The following HECW2 variants were observed in gnomAD, a reference collection of about 807,000 sequenced individuals.
HECW2 encodes HECT, C2 and WW domain containing E3 ubiquitin protein ligase 2.
HECW2 carries 61 observed loss-of-function variants against 175.2 expected under a neutral mutation model. That is an observed-to-expected ratio of 0.35 (90% CI 0.28 to 0.43). The LOEUF (loss-of-function observed/expected upper bound fraction) is 0.43, where lower values mean the gene tolerates loss of function less well. Among genes scored for constraint, HECW2 ranks in the 20% least tolerant of loss-of-function variants. The pLI is 1.00. For synonymous variants in HECW2, 671 were observed against 731.0 expected (o/e 0.92, Z 1.32); for missense variants, 1,524 against 2,000.5 (o/e 0.76, Z 4.54).
At chr2:196,348,131 T>C (rs962553868) in intron 2 of HECW2, among the ~76,000 whole-genome samples, 2 of 152,260 alleles carry the variant, frequency 1.3e-5, no homozygotes, top group Non-Finnish European at 2.9e-5. Context: ...TTAAATTTTT[T>C]GTTCACATCT....
At chr2:196,288,255 T>C (rs1361239329) in intron 14 of HECW2, 4 of 152,340 alleles carry the variant, frequency 2.6e-5, no homozygotes, top group African/African-American at 9.6e-5. Flanking sequence ...CCTAGTTTCA[T>C]GATCATGGCT....
chr2:196,588,211 C>T (rs1276099880), intron 1 of HECW2, among the ~76,000 whole-genome samples: 2 of 152,178 alleles, frequency 1.3e-5, no homozygotes, highest in Non-Finnish European at 2.9e-5. Context: ...GAAAACTCTA[C>T]AAGGTCAGAG....
At position 196,374,530 on chromosome 2, in the gene HECW2, A is replaced by G. The variant is rs539583645; in HGVS notation, c.293-30766T>C. Among the ~76,000 whole-genome samples, 3 of 152,342 alleles carry G rather than the reference A, an allele frequency of 2.0e-5. No homozygotes were observed. In the South Asian group the frequency reaches 6.2e-4, roughly 32 times the overall value. ...CAAATACAGAAACAGTAATACAGGA[A>G]AAAAATGAAGGCTGGCATCTCTCTC... On this transcript the variant is annotated intron_variant, in intron 2 of 28. Transcript: ENST00000644978.
intron 4 of HECW2, among the ~76,000 whole-genome samples, chr2:196,331,475 G>C (rs1195597169): frequency 1.3e-5 from 2 of 152,132 alleles, no homozygotes; most frequent in Non-Finnish European, 2.9e-5. Context: ...TCTGCAAATG[G>C]GCCACACGCC....
At chr2:196,229,028 T>C (rs1362859887) in intron 21 of HECW2, among the ~76,000 whole-genome samples, 1 of 152,084 alleles carries the variant, frequency 6.6e-6, no homozygotes, top group Non-Finnish European at 1.5e-5. Flanking sequence ...TGGCCAAAAA[T>C]GACGAGAGTA....
intron 19 of HECW2, among the ~76,000 whole-genome samples, chr2:196,245,794 G>C (rs1688623047): frequency 6.6e-6 from 1 of 152,164 alleles, no homozygotes; most frequent in Non-Finnish European, 1.5e-5. Flanking sequence ...GAATAAACTT[G>C]ACTTTAAAGA....
intron 1 of HECW2, among the ~76,000 whole-genome samples, chr2:196,568,336 C>T (rs1176064917): frequency 6.6e-6 from 1 of 152,172 alleles, no homozygotes; most frequent in Non-Finnish European, 1.5e-5. Context: ...TCAAACAGTA[C>T]TTAGTTTCGC....
In HECW2 at chr2:196,195,198, A is replaced by G. The variant is rs1468720218; in HGVS notation, c.*6079T>C. ...TGTTAATTCCTGGTTAATCCTTCCA[A>G]GGTAATTCCTGAACATCATCCATTC... On this transcript the variant is annotated 3_prime_UTR_variant, in exon 29 of 29. Transcript: ENST00000644978. The G allele has an allele frequency of 6.6e-6, 1 of 152,236 alleles. No individual in the cohort carries two copies. Among genetic ancestry groups the G allele is most frequent in the Admixed American group, 6.5e-5 (1 of 15,286 alleles). 9.4% of individuals were successfully genotyped at this position (152,236 alleles called of 1,614,324 possible).
At chr2:196,237,900 G>C (rs1688310943) in intron 21 of HECW2, among the ~76,000 whole-genome samples, 1 of 152,134 alleles carries the variant, frequency 6.6e-6, no homozygotes, top group Non-Finnish European at 1.5e-5. Context: ...TATATTTCCT[G>C]CTTAGTGTTA....
intron 1 of HECW2, among the ~76,000 whole-genome samples, chr2:196,509,908 A>G (rs1284125941): frequency 2.0e-5 from 3 of 152,234 alleles, no homozygotes; most frequent in African/African-American, 4.8e-5. Context: ...CTAAAAGACA[A>G]TACAATCGCT....
At chr2:196,509,458 T>C (rs537742094) in intron 1 of HECW2, among the ~76,000 whole-genome samples, 2 of 152,118 alleles carry the variant, frequency 1.3e-5, no homozygotes, top group African/African-American at 4.8e-5. Context: ...AGTCAAGGAG[T>C]AGGGCTGGGA....
intron 14 of HECW2, among the ~76,000 whole-genome samples, chr2:196,279,695 C>G (rs950732740): frequency 6.6e-6 from 1 of 152,238 alleles, no homozygotes; most frequent in African/African-American, 2.4e-5. Context: ...CTTTAACAGT[C>G]TGCCTACATG....
chr2:196,421,252 A>C (rs1695400216), intron 2 of HECW2, among the ~76,000 whole-genome samples: 1 of 152,130 alleles, frequency 6.6e-6, no homozygotes, highest in South Asian at 2.1e-4. Context: ...CAGATGTAAA[A>C]AACTCTACAT....
At chr2:196,244,451 C>G (rs990838062) in intron 19 of HECW2, among the ~76,000 whole-genome samples, 10 of 152,188 alleles carry the variant, frequency 6.6e-5, no homozygotes, top group African/African-American at 1.9e-4. Flanking sequence ...CTTGCAATGA[C>G]TGGCTTGCAT....
At chr2:196,251,564 C>G (rs2105908664) in intron 19 of HECW2, among the ~76,000 whole-genome samples, 1 of 152,320 alleles carries the variant, frequency 6.6e-6, no homozygotes, top group East Asian at 1.9e-4. Context: ...CAATTTGAGT[C>G]TAACCATTTC....
At chr2:196,415,072 A>C (rs1695217742) in intron 2 of HECW2, among the ~76,000 whole-genome samples, 1 of 152,186 alleles carries the variant, frequency 6.6e-6, no homozygotes, top group Non-Finnish European at 1.5e-5. Context: ...ACATGGGAAG[A>C]AGGTGGTCCA....
At chr2:196,369,185 A>G (rs1349556644) in intron 2 of HECW2, among the ~76,000 whole-genome samples, 1 of 152,170 alleles carries the variant, frequency 6.6e-6, no homozygotes, top group East Asian at 1.9e-4. Flanking sequence ...CTGCAGCCAC[A>G]TCTTCATTAG....
chr2:196,225,622 A>T lies in HECW2; in HGVS notation c.4016+150T>A, dbSNP rs1687823373. The T allele has an allele frequency of 7.4e-6, 4 of 542,228 alleles. No homozygotes were observed. In the East Asian group the frequency reaches 1.3e-4, roughly 17 times the overall value. The allele number at this position is 542,228 out of a possible 1,614,324, so 33.6% of individuals were successfully genotyped here. A position where few individuals can be genotyped will look rare whatever the true frequency, so the allele number is the denominator to read the frequency against. On this transcript the variant is annotated intron_variant, in intron 23 of 28. Coordinates refer to ENST00000644978, the MANE Select transcript of HECW2 (RefSeq NM_001348768.2). Reference sequence around the variant, plus strand: ...CAGTAATCATATTTGAAATTGCATTAGTTTCAGAAATCTAAACCACTATTA... The same window carrying T: ...CAGTAATCATATTTGAAATTGCATTTGTTTCAGAAATCTAAACCACTATTA...
At chr2:196,335,056 G>A (rs1692502233) in intron 3 of HECW2, among the ~76,000 whole-genome samples, 1 of 152,196 alleles carries the variant, frequency 6.6e-6, no homozygotes, top group African/African-American at 2.4e-5. Flanking sequence ...GTCTAACAAA[G>A]CATGGAAGTA....
Sources: allele counts gnomAD v4.1 joint callset (sites outside exome capture counted in the v4.1 genomes callset), GRCh38; gene constraint gnomAD v4.1.1; transcripts MANE v1.5; gene names NCBI Gene and HGNC (gene_info 2026-07-23, HGNC 2026-07-21).